Variants in UBAP1L observed in about 807,000 individuals in gnomAD.
UBAP1L encodes the protein ubiquitin associated protein 1 like, also known as ubiquitin-associated protein 1-like.
UBAP1L carries 32 observed loss-of-function variants against 32.1 expected under a neutral mutation model. The observed-to-expected ratio is 1.00, with a 90% CI of 0.75 to 1.34. UBAP1L has a LOEUF of 1.34. Ranked by LOEUF, UBAP1L falls within the 40% of genes most tolerant of loss-of-function variation. The probability of loss-of-function intolerance (pLI) is 0.00; values close to 1 mark genes in which losing one functional copy is unlikely to be tolerated. For synonymous variants in UBAP1L, 243 were observed against 250.2 expected (o/e 0.97, Z 0.27); for missense variants, 516 against 540.5 (o/e 0.95, Z 0.45).
intron 1 of UBAP1L, among the ~76,000 whole-genome samples, chr15:65,110,158 A>G (rs2087358527): frequency 1.3e-5 from 2 of 151,680 alleles, no homozygotes; most frequent in Non-Finnish European, 2.9e-5. Flanking sequence ...CAAGAGATTG[A>G]GACCATCCTG....
intron 4 of UBAP1L, chr15:65,096,323 G>A (rs2087173258): frequency 6.6e-6 from 1 of 152,198 alleles, no homozygotes; most frequent in South Asian, 2.1e-4. Context: ...CCTGAGCATT[G>A]GAATTTTTCC....
chr15:65,106,938 G>C (rs1378195072), intron 1 of UBAP1L, among the ~76,000 whole-genome samples: 2 of 152,126 alleles, frequency 1.3e-5, no homozygotes, highest in Non-Finnish European at 2.9e-5. Context: ...ACTGCACCCA[G>C]CTGATTTTTA....
chr15:65,093,058 T>C lies in UBAP1L; in HGVS notation c.*39A>G. 1 of 1,531,698 alleles carries C rather than the reference T, an allele frequency of 6.5e-7. No homozygotes were observed. The highest frequency in any genetic ancestry group is 8.8e-7 in the Non-Finnish European group (1 of 1,141,776). 94.9% of individuals were successfully genotyped at this position (1,531,698 alleles called of 1,614,324 possible). On this transcript the variant is annotated 3_prime_UTR_variant, in exon 6 of 6. Transcript: ENST00000559089. ...TAGGATGGGTTGCCAGGTCTGGCAT[T>C]GGGCCTAGATGCCCAGGCATCGTGG...
intron 2 of UBAP1L, chr15:65,105,555 C>T (rs569091028): frequency 4.1e-4 from 221 of 541,170 alleles, no homozygotes; most frequent in African/African-American, 3.9e-3. Flanking sequence ...TTCATTTGAC[C>T]TGGAGAACCC....
chr15:65,095,724 G>A (rs1198105733), intron 4 of UBAP1L: 1 of 152,230 alleles, frequency 6.6e-6, no homozygotes, highest in Non-Finnish European at 1.5e-5. Flanking sequence ...CTTCAGAGCT[G>A]GGATGAAAGT....
Position 65,092,872 on chromosome 15 carries a change from T to C in UBAP1L, c.*225A>G. 1.7e-6 allele frequency: 1 copy of C among 586,674 alleles called. No homozygotes were observed. 36.3% of individuals were successfully genotyped at this position (586,674 alleles called of 1,614,324 possible). A position where few individuals can be genotyped will look rare whatever the true frequency, so the allele number is the denominator to read the frequency against. On this transcript the variant is annotated 3_prime_UTR_variant, in exon 6 of 6. Transcript: ENST00000559089. ...GTTTCACAGGCATGCATGAAGAACA[T>C]AGCTCCCCGTCCGGCTCTCCCATCT...
intron 2 of UBAP1L, chr15:65,105,443 C>T (rs2087298079): frequency 3.9e-5 from 14 of 358,414 alleles, no homozygotes; most frequent in South Asian, 3.6e-4. Flanking sequence ...TGTACCACTG[C>T]ACTCCATCTA....
chr15:65,101,433 C>G (rs562371688), intron 3 of UBAP1L: 1 of 152,330 alleles, frequency 6.6e-6, no homozygotes, highest in Admixed American at 6.5e-5. Context: ...CTTCTCCCTG[C>G]TCTTCAGGGT....
chr15:65,102,102 T>A lies in UBAP1L; in HGVS notation c.699+4A>T. On this transcript the variant is annotated splice_donor_region_variant and intron_variant, in intron 3 of 5. Coordinates refer to ENST00000559089, the MANE Select transcript of UBAP1L (RefSeq NM_001163692.2). The surrounding 1 kb of genome is among the most constrained non-coding windows in gnomAD (Gnocchi z 5.0). ...GGCCTTGGAGGGGCGGGCAGAATCCTTACCGCGACCGTAGGCTTGTGGCTC... is the reference window on the plus strand; with the variant it reads ...GGCCTTGGAGGGGCGGGCAGAATCCATACCGCGACCGTAGGCTTGTGGCTC... The A allele has an allele frequency of 8.3e-7, 1 of 1,197,934 alleles. No individual in the cohort carries two copies. Among genetic ancestry groups the A allele is most frequent in the Non-Finnish European group, 1.0e-6 (1 of 963,394 alleles). The allele number at this position is 1,197,934 out of a possible 1,614,324, so 74.2% of individuals were successfully genotyped here.
intron 4 of UBAP1L, chr15:65,098,935 T>C (rs1484559780): frequency 6.6e-6 from 1 of 152,300 alleles, no homozygotes; most frequent in Non-Finnish European, 1.5e-5. Context: ...ATCTTGCCAC[T>C]AGCACCTCTT....
At chr15:65,099,811 TAC>T in intron 3 of UBAP1L, 97 bp from the exon 4 acceptor site, 1 of 1,049,088 alleles carries the variant, frequency 9.5e-7, no homozygotes, top group East Asian at 2.6e-5. Context: ...CCACCTTCTG[TAC>T]AGAGTGTAGG....
At chr15:65,114,988 A>G (rs1242524016) in intron 1 of UBAP1L, among the ~76,000 whole-genome samples, 162 bp downstream of exon 1, 1 of 152,280 alleles carries the variant, frequency 6.6e-6, no homozygotes, top group Non-Finnish European at 1.5e-5. Context: ...TCTAAGCATT[A>G]CAAAAAATCT....
chr15:65,112,003 G>T (rs951231185), intron 1 of UBAP1L, among the ~76,000 whole-genome samples: 1 of 152,160 alleles, frequency 6.6e-6, no homozygotes, highest in African/African-American at 2.4e-5. Context: ...TATCGATATT[G>T]CCTAGTTAGA....
At position 65,093,243 on chromosome 15, in the gene UBAP1L, G is replaced by T; in HGVS notation, c.1012-12C>A. 6.5e-7 allele frequency: 1 copy of T among 1,537,382 alleles called. No homozygotes were observed. ...AGGAACTCCCCTGCCTGAGGAAGAG[G>T]AGACAGGGAGGGTGCTGGGGGCTCT... On this transcript the variant is annotated splice_polypyrimidine_tract_variant and intron_variant, in intron 5 of 5. Coordinates refer to ENST00000559089, the MANE Select transcript of UBAP1L (RefSeq NM_001163692.2).
In UBAP1L at chr15:65,102,217, A is replaced by G. The variant is rs2087249179; in HGVS notation, c.588T>C (p.Ser196=). The change falls in exon 3 of 6, where the codon TCT becomes TCC. Residue 196 remains serine (S), a synonymous_variant. Coordinates refer to ENST00000559089, the MANE Select transcript of UBAP1L (RefSeq NM_001163692.2). The surrounding 1 kb of genome is among the most constrained non-coding windows in gnomAD (Gnocchi z 5.0). ...GGGGCGCGGGCCCCGGGGGTGATGC[A>G]GACCTGGGGGACTGCGCAGGGCTCG... ...LCPSPAQSPR[S]ASPPGPAPQH... is the part of the protein sequence containing the mutation. The G allele has an allele frequency of 5.8e-6, 7 of 1,217,234 alleles. No homozygotes were observed. The highest frequency in any genetic ancestry group is 7.2e-6 in the Non-Finnish European group (7 of 978,226). 75.4% of individuals were successfully genotyped at this position (1,217,234 alleles called of 1,614,324 possible).
chr15:65,114,189 T>C (rs2140574010), intron 1 of UBAP1L, among the ~76,000 whole-genome samples: 1 of 152,114 alleles, frequency 6.6e-6, no homozygotes, highest in Middle Eastern at 3.4e-3. Context: ...CAGCCTTTTT[T>C]TTTTTTTTTT....
At position 65,106,337 on chromosome 15, in the gene UBAP1L, T is replaced by C. The variant is rs568386693; in HGVS notation, c.-122A>G. ...ATGGCCTCACTGCTCTCCTGTGTGG[T>C]CACTTAGCTGAGCCCCAAACAGCTG... On this transcript the variant is annotated 5_prime_UTR_variant, in exon 2 of 6. Coordinates refer to ENST00000559089, the MANE Select transcript of UBAP1L (RefSeq NM_001163692.2). The C allele has an allele frequency of 8.4e-5, 103 of 1,224,208 alleles. No homozygotes were observed. The South Asian group carries it at 1.8e-3, about 21-fold the overall frequency. 75.8% of individuals were successfully genotyped at this position (1,224,208 alleles called of 1,614,324 possible).
At chr15:65,113,252 C>A (rs905726350) in intron 1 of UBAP1L, among the ~76,000 whole-genome samples, 16 of 152,302 alleles carry the variant, frequency 1.1e-4, no homozygotes, top group African/African-American at 3.6e-4. Flanking sequence ...ACTTAAAACT[C>A]TTCAATGGTT....
chr15:65,099,969 C>T (rs535564991), intron 3 of UBAP1L: 13 of 342,202 alleles, frequency 3.8e-5, no homozygotes, highest in African/African-American at 1.5e-4. Context: ...AGGGACTGGG[C>T]GCGGTGGCTC....
Sources: gnomAD v4.1 joint callset for allele counts (sites outside exome capture counted in the v4.1 genomes callset) on GRCh38, gnomAD v4.1.1 for gene constraint, Gnocchi (gnomAD v3.1) non-coding constraint, MANE v1.5 for transcripts, NCBI Gene and HGNC (gene_info 2026-07-23, HGNC 2026-07-21) for gene names.